PLPP4: variants seen among roughly 807,000 people sequenced by gnomAD.
PLPP4 encodes phospholipid phosphatase 4, also known as diacylglycerol pyrophosphate like 2.
A neutral mutation model predicts 32.2 loss-of-function variants in PLPP4; 20 were observed. The ratio of observed to expected loss-of-function variants is 0.62; its 90% confidence interval spans 0.44 to 0.90. The LOEUF (loss-of-function observed/expected upper bound fraction) is 0.90. Ranked by LOEUF, PLPP4 falls within the 40% of genes least tolerant of loss-of-function variation. PLPP4 has a pLI of 0.00. For missense variants in PLPP4, 257 were observed against 353.1 expected (o/e 0.73, Z 2.18); for synonymous variants, 127 against 133.0 (o/e 0.95, Z 0.31).
chr10:120,491,366 C>T (rs906963789), intron 1 of PLPP4, among the ~76,000 whole-genome samples: 39 of 152,204 alleles, frequency 2.6e-4, no homozygotes, highest in African/African-American at 9.2e-4. Context: ...AGGGAGAGGG[C>T]TCCTCAGTGC....
chr10:120,482,027 C>G (rs1844229188), intron 1 of PLPP4, among the ~76,000 whole-genome samples: 1 of 152,168 alleles, frequency 6.6e-6, no homozygotes, highest in Admixed American at 6.5e-5. Flanking sequence ...TGAGGCCTTC[C>G]CAGCCACGTG....
chr10:120,554,784 C>T (rs2133995243), intron 5 of PLPP4, among the ~76,000 whole-genome samples: 1 of 152,150 alleles, frequency 6.6e-6, no homozygotes, highest in Non-Finnish European at 1.5e-5. Flanking sequence ...CGCTTTTAAA[C>T]AACCAGACCT....
chr10:120,538,663 A>G (rs1462416224), intron 5 of PLPP4, among the ~76,000 whole-genome samples: 2 of 151,862 alleles, frequency 1.3e-5, no homozygotes, highest in Admixed American at 6.6e-5. Context: ...CTTCAACCTC[A>G]TGTCCTTCTC....
intron 5 of PLPP4, among the ~76,000 whole-genome samples, chr10:120,527,772 C>A (rs1337591092): frequency 2.0e-5 from 3 of 152,150 alleles, no homozygotes; most frequent in Non-Finnish European, 2.9e-5. Flanking sequence ...CTTTTACCAG[C>A]TGCGTGTCTG....
At chr10:120,568,050 C>T (rs1302082346) in intron 5 of PLPP4, among the ~76,000 whole-genome samples, 2 of 152,182 alleles carry the variant, frequency 1.3e-5, no homozygotes, top group East Asian at 1.9e-4. Context: ...GCTTCTCATA[C>T]GGTTGTGCTA....
At chr10:120,523,449 G>A (rs1453400617) in intron 5 of PLPP4, among the ~76,000 whole-genome samples, 41 of 152,132 alleles carry the variant, frequency 2.7e-4, no homozygotes, top group Admixed American at 2.7e-3. Flanking sequence ...CTGTTTTGGA[G>A]GCCTTGTAGT....
chr10:120,578,953 C>T (rs1250608417), intron 6 of PLPP4, among the ~76,000 whole-genome samples: 2 of 152,176 alleles, frequency 1.3e-5, no homozygotes, highest in Non-Finnish European at 2.9e-5. Context: ...AGCGCTCAAA[C>T]TTGTGGAATC....
intron 5 of PLPP4, among the ~76,000 whole-genome samples, chr10:120,550,406 C>G (rs1245253631): frequency 6.6e-6 from 1 of 151,854 alleles, no homozygotes; most frequent in Non-Finnish European, 1.5e-5. Context: ...TATTTAGATT[C>G]TGTATGTAGA....
At chr10:120,503,488 G>T (rs757311514) in intron 1 of PLPP4, 1 of 1,529,128 alleles carries the variant, frequency 6.5e-7, no homozygotes, top group Non-Finnish European at 8.9e-7. Context: ...CCATGCTGCT[G>T]CCCTGGCCTT....
chr10:120,545,430 C>T (rs143304418), intron 5 of PLPP4, among the ~76,000 whole-genome samples: 19 of 152,326 alleles, frequency 1.2e-4, no homozygotes, highest in African/African-American at 4.3e-4. Context: ...TCTTTCCTTT[C>T]ATTGCCCTGA....
At chr10:120,580,811 A>G in intron 6 of PLPP4, 1 of 1,137,564 alleles carries the variant, frequency 8.8e-7, no homozygotes, top group South Asian at 1.3e-5. Flanking sequence ...AAAACCTGCC[A>G]GCCCTGGGTA....
intron 5 of PLPP4, among the ~76,000 whole-genome samples, chr10:120,541,780 C>CT (rs5788428): frequency 0.84 from 123,238 of 146,632 alleles, 52,188 homozygotes; most frequent in East Asian, 0.95. Flanking sequence ...TTAAGTCATT[C>CT]TTTTTTTTTT....
intron 6 of PLPP4, among the ~76,000 whole-genome samples, chr10:120,583,846 T>A (rs1326843751): frequency 6.6e-6 from 1 of 152,100 alleles, no homozygotes; most frequent in African/African-American, 2.4e-5. Flanking sequence ...GGTAATGACA[T>A]GTAGTTGGGG....
chr10:120,484,312 G>A (rs1323643281), intron 1 of PLPP4, among the ~76,000 whole-genome samples: 3 of 152,188 alleles, frequency 2.0e-5, no homozygotes, highest in African/African-American at 4.8e-5. Flanking sequence ...GTGTATGGCT[G>A]TCTTAGTCTG....
chr10:120,474,649 A>G, intron 1 of PLPP4, among the ~76,000 whole-genome samples: 1 of 152,198 alleles, frequency 6.6e-6, no homozygotes, highest in Non-Finnish European at 1.5e-5. Flanking sequence ...CATGTGAAAC[A>G]TTGATGCTTT....
At chr10:120,544,448 C>G (rs774027104) in intron 5 of PLPP4, among the ~76,000 whole-genome samples, 4 of 152,194 alleles carry the variant, frequency 2.6e-5, no homozygotes, top group African/African-American at 4.8e-5. Context: ...CTGCTAAGCT[C>G]CTCACTGCCC....
Position 120,506,199 on chromosome 10 carries a change from A to G in PLPP4, c.165+2273A>G, listed in dbSNP as rs143465148. 1.7e-3 allele frequency among the ~76,000 whole-genome samples: 265 copies of G among 152,318 alleles called. 1 individual carries two copies. Among genetic ancestry groups the G allele is most frequent in the African/African-American group, 6.1e-3 (253 of 41,576 alleles). On this transcript the variant is annotated intron_variant, in intron 2 of 6. Coordinates refer to ENST00000398250, the MANE Select transcript of PLPP4 (RefSeq NM_001030059.3). ...CCTCTATTCTAATGAAATAAGTTCA[A>G]CCTTTTATTTCATTAATAGCAGTTG...
At chr10:120,523,721 G>A (rs1846268243) in intron 5 of PLPP4, among the ~76,000 whole-genome samples, 1 of 152,110 alleles carries the variant, frequency 6.6e-6, no homozygotes, top group South Asian at 2.1e-4. Flanking sequence ...ACTTGGTGCT[G>A]AATCTTAAGG....
chr10:120,477,257 A>G (rs1189456464), intron 1 of PLPP4, among the ~76,000 whole-genome samples: 2 of 150,508 alleles, frequency 1.3e-5, no homozygotes, highest in Non-Finnish European at 3.0e-5. Flanking sequence ...AGAAAAGAAA[A>G]AAAACCTTCT....
Sources: allele counts gnomAD v4.1 joint callset (sites outside exome capture counted in the v4.1 genomes callset), GRCh38; gene constraint gnomAD v4.1.1; transcripts MANE v1.5; gene names NCBI Gene and HGNC (gene_info 2026-07-23, HGNC 2026-07-21).